ASPH: variants seen among roughly 807,000 people sequenced by gnomAD.
ASPH encodes the protein aspartate beta-hydroxylase.
In ASPH, 100 loss-of-function variants were observed where a neutral mutation model predicts 118.4. The ratio of observed to expected loss-of-function variants is 0.84; its 90% confidence interval spans 0.72 to 1.00. ASPH has a LOEUF of 1.00. ASPH is among the 50% of genes least tolerant of loss of function. The pLI, the probability that ASPH is intolerant of heterozygous loss-of-function variation, is 0.00. For synonymous variants in ASPH, 315 were observed against 325.6 expected (o/e 0.97, Z 0.35); for missense variants, 920 against 919.5 (o/e 1.00, Z -0.01).
chr8:61,592,829 A>G (rs1226260056), intron 14 of ASPH, among the ~76,000 whole-genome samples: 1 of 152,192 alleles, frequency 6.6e-6, no homozygotes, highest in Non-Finnish European at 1.5e-5. Flanking sequence ...AAAATCACTG[A>G]TAGATTTCAA....
intron 3 of ASPH, among the ~76,000 whole-genome samples, chr8:61,679,959 CAA>C (rs1160438352): frequency 1.7e-4 from 24 of 140,192 alleles, no homozygotes; most frequent in African/African-American, 5.0e-4. Context: ...AAAAAAAAAA[CAA>C]AAAACACCAA....
At chr8:61,581,744 T>G (rs1332582734) in intron 15 of ASPH, among the ~76,000 whole-genome samples, 1 of 152,180 alleles carries the variant, frequency 6.6e-6, no homozygotes, top group Non-Finnish European at 1.5e-5. Flanking sequence ...TTTTCTTTAC[T>G]CCCTCCCCAC....
chr8:61,616,788 A>G (rs1849187471), intron 14 of ASPH, among the ~76,000 whole-genome samples: 1 of 152,158 alleles, frequency 6.6e-6, no homozygotes, highest in African/African-American at 2.4e-5. Flanking sequence ...TGCCTACGGC[A>G]TGCTCTCCTG....
At chr8:61,574,673 C>T (rs541794416) in intron 16 of ASPH, among the ~76,000 whole-genome samples, 1 of 152,076 alleles carries the variant, frequency 6.6e-6, no homozygotes, top group South Asian at 2.1e-4. Context: ...ACAGGGAGGG[C>T]AACATCACAC....
At chr8:61,642,097 G>A (rs552632597) in intron 10 of ASPH, among the ~76,000 whole-genome samples, 4 of 152,264 alleles carry the variant, frequency 2.6e-5, no homozygotes, top group African/African-American at 9.6e-5. Context: ...AGAGGAGGGA[G>A]GTACAGGCCT....
chr8:61,582,466 G>C (rs1173843493), intron 15 of ASPH, among the ~76,000 whole-genome samples: 1 of 152,164 alleles, frequency 6.6e-6, no homozygotes, highest in Non-Finnish European at 1.5e-5. Flanking sequence ...AATACAAACT[G>C]ACCACAAACA....
intron 1 of ASPH, among the ~76,000 whole-genome samples, chr8:61,692,773 G>A (rs1832927481): frequency 6.6e-6 from 1 of 152,100 alleles, no homozygotes; most frequent in Admixed American, 6.5e-5. Context: ...TGTAGGTCTG[G>A]AGTGGGACCC....
chr8:61,684,357 GA>G, intron 1 of ASPH, 169 bp from the exon 2 acceptor site: 1 of 745,648 alleles, frequency 1.3e-6, no homozygotes, highest in Non-Finnish European at 2.0e-6. Context: ...TCTGAAAACA[GA>G]AAAGATTGTT....
intron 1 of ASPH, among the ~76,000 whole-genome samples, chr8:61,712,683 T>G (rs1838327871): frequency 6.6e-6 from 1 of 152,206 alleles, no homozygotes; most frequent in African/African-American, 2.4e-5. Flanking sequence ...TCTAAACCTA[T>G]CTCTTGCCTG....
intron 24 of ASPH, among the ~76,000 whole-genome samples, chr8:61,505,684 T>C (rs1806270941): frequency 2.0e-5 from 3 of 152,118 alleles, no homozygotes; most frequent in South Asian, 2.1e-4. Flanking sequence ...CACATGTTGA[T>C]TGGCTCTTCT....
intron 14 of ASPH, among the ~76,000 whole-genome samples, chr8:61,611,160 G>A (rs571444354): frequency 1.3e-5 from 2 of 152,262 alleles, no homozygotes; most frequent in South Asian, 2.1e-4. Flanking sequence ...ATTTGAGGGC[G>A]ATGGATTAGC....
At chr8:61,545,396 C>T (rs1823468567) in intron 21 of ASPH, among the ~76,000 whole-genome samples, 1 of 152,172 alleles carries the variant, frequency 6.6e-6, no homozygotes, top group East Asian at 1.9e-4. Flanking sequence ...GAGTTTATGG[C>T]ATTTTGTTAC....
At chr8:61,517,939 G>T in intron 23 of ASPH, 93 bp downstream of exon 23, 1 of 1,322,252 alleles carries the variant, frequency 7.6e-7, no homozygotes, top group Non-Finnish European at 1.1e-6. Context: ...GGCATTCATT[G>T]GGCCAAAGGA....
intron 24 of ASPH, among the ~76,000 whole-genome samples, chr8:61,508,422 AC>A (rs1807480834): frequency 6.6e-6 from 1 of 152,164 alleles, no homozygotes; most frequent in Non-Finnish European, 1.5e-5. Context: ...TAATCTGTCA[AC>A]TTCTCAAATT....
intron 15 of ASPH, chr8:61,579,153 T>C (rs879116531): frequency 4.5e-5 from 73 of 1,611,354 alleles, no homozygotes; most frequent in South Asian, 1.8e-4. Context: ...TGAGATGAAC[T>C]GGAACATCAG....
intron 18 of ASPH, among the ~76,000 whole-genome samples, chr8:61,562,402 T>TGTGTGTGTGTGTGG (rs1830309081): frequency 6.7e-6 from 1 of 149,294 alleles, no homozygotes. Flanking sequence ...TGTGTGTGTG[T>TGTGTGTGTGTGTGG]GTGTGTGTGT....
chr8:61,526,020 C>T lies in ASPH; in HGVS notation c.1857G>A (p.Leu619=), dbSNP rs1468671867. 2 of 1,613,880 alleles carry T rather than the reference C, an allele frequency of 1.2e-6. No homozygotes were observed. The highest frequency in any genetic ancestry group is 2.7e-5 in the African/African-American group (2 of 74,888). ...ACTGGCTCCAGTCCCCTTTTTCCCT[C>T]AGGTTTTCATCCTCAGGCAGGAAGA... ...KGLFLPEDEN[L]REKGDWSQFT... The change falls in exon 22 of 25, where the codon CTG becomes CTA. Residue 619 remains leucine (L), a synonymous_variant. Transcript: ENST00000379454.
chr8:61,690,084 C>T (rs1426542021), intron 1 of ASPH, among the ~76,000 whole-genome samples: 4 of 152,168 alleles, frequency 2.6e-5, no homozygotes, highest in East Asian at 1.9e-4. Context: ...CAGGCTTTAA[C>T]GGCTTTAGCT....
Position 61,643,452 on chromosome 8 carries a change from C to A in ASPH, c.710-19G>T. 7 of 1,600,094 alleles carry A rather than the reference C, an allele frequency of 4.4e-6. No individual in the cohort carries two copies. Among genetic ancestry groups the A allele is most frequent in the Non-Finnish European group, 5.9e-6 (7 of 1,178,986 alleles). ...CTGGAATCTAAAAAACAAAAACACA[C>A]CTTTGCCAAACAGGAAAAAACCAAA... On this transcript the variant is annotated intron_variant, in intron 8 of 24. Transcript: ENST00000379454.
Sources: allele counts gnomAD v4.1 joint callset (sites outside exome capture counted in the v4.1 genomes callset), GRCh38; gene constraint gnomAD v4.1.1; transcripts MANE v1.5; gene names NCBI Gene and HGNC (gene_info 2026-07-23, HGNC 2026-07-21).